The following SEPTIN2 variants were observed in gnomAD, a reference collection of about 807,000 sequenced individuals.
SEPTIN2 encodes septin-2.
SEPTIN2 carries 34 observed loss-of-function variants against 46.5 expected under a neutral mutation model. The ratio of observed to expected loss-of-function variants is 0.73; its 90% CI spans 0.56 to 0.97. The LOEUF (loss-of-function observed/expected upper bound fraction) is 0.97, where lower values mean the gene tolerates loss of function less well. Ranked by LOEUF, SEPTIN2 falls within the 50% of genes least tolerant of loss-of-function variation. The pLI is 0.00. For synonymous variants in SEPTIN2, 175 were observed against 153.4 expected, an observed-to-expected ratio of 1.14 and a Z score of -1.04; for missense variants, 347 against 448.4, an observed-to-expected ratio of 0.77 and a Z score of 2.04.
At chr2:241,319,474 T>G (rs757141782) in intron 1 of SEPTIN2, among the ~76,000 whole-genome samples, 1 of 152,286 alleles carries the variant, frequency 6.6e-6, no homozygotes, top group Non-Finnish European at 1.5e-5. Flanking sequence ...AAAATAATTA[T>G]GGAAGGGCAT....
At position 241,325,992 on chromosome 2, in the gene SEPTIN2, G is replaced by A. The variant is rs779399447; in HGVS notation, c.10-1G>A. 1.9e-6 allele frequency: 3 copies of A among 1,610,426 alleles called. No individual in the cohort carries two copies. The Admixed American group carries it at 5.1e-5, about 27-fold the overall frequency. ...TTTGTTTGTTTTTTAATCTTATTTA[G>A]CAACAGCCAACTCAGTTTATAAATC... On this transcript the variant is annotated splice_acceptor_variant, in intron 2 of 12. Transcript: ENST00000391971. LOFTEE classifies it high-confidence loss of function.
chr2:241,334,295 C>A (rs1226812909), intron 3 of SEPTIN2, among the ~76,000 whole-genome samples: 1 of 152,172 alleles, frequency 6.6e-6, no homozygotes, highest in Non-Finnish European at 1.5e-5. Context: ...AGAAGCAGTT[C>A]TCCATGCAGA....
At chr2:241,340,516 C>A (rs948098129) in intron 7 of SEPTIN2, among the ~76,000 whole-genome samples, 1 of 152,074 alleles carries the variant, frequency 6.6e-6, no homozygotes, top group African/African-American at 2.4e-5. Context: ...GTATTTGAAC[C>A]TTTGAAGAAC....
At chr2:241,346,297 A>G (rs764359188) in intron 10 of SEPTIN2, 48 bp downstream of exon 10, 1 of 1,452,834 alleles carries the variant, frequency 6.9e-7, no homozygotes, top group Non-Finnish European at 9.6e-7. Context: ...CCTGAGCCAC[A>G]ATGTTCCTCC....
chr2:241,335,820 C>A, intron 4 of SEPTIN2, 155 bp from the exon 5 acceptor site: 2 of 896,954 alleles, frequency 2.2e-6, no homozygotes, highest in Non-Finnish European at 3.5e-6. Flanking sequence ...CCCTTTCTGA[C>A]TTCTCTGGGA....
intron 12 of SEPTIN2, among the ~76,000 whole-genome samples, chr2:241,350,498 T>G (rs1032205845): frequency 2.0e-5 from 3 of 152,212 alleles, no homozygotes; most frequent in Non-Finnish European, 2.9e-5. Context: ...ATACCAACAT[T>G]AGAAGGAAAT....
chr2:241,316,536 C>T, intron 1 of SEPTIN2: 1 of 1,520,766 alleles, frequency 6.6e-7, no homozygotes, highest in East Asian at 2.6e-5. Context: ...GGAGAGGCGA[C>T]GAAGGTCTGC....
rs1329594266 is a variant in SEPTIN2 at position 241,337,381 on chromosome 2, G to A, written c.342-1G>A. ...ATTGTTAATGTTTCTGTTTCTCTCA[G>A]TTTTAAGACAATTATCTCCTATATT... is the stretch of plus-strand genomic sequence containing the variant. On this transcript the variant is annotated splice_acceptor_variant, in intron 5 of 12. Transcript: ENST00000391971. LOFTEE classifies it high-confidence loss of function. 1 of 1,611,976 alleles carries A rather than the reference G, an allele frequency of 6.2e-7. No individual in the cohort carries two copies. The highest frequency in any genetic ancestry group is 8.5e-7 in the Non-Finnish European group (1 of 1,179,238).
chr2:241,316,422 G>A, intron 1 of SEPTIN2: 1 of 1,302,874 alleles, frequency 7.7e-7, no homozygotes, highest in Non-Finnish European at 1.0e-6. Context: ...CCTCCCTGAG[G>A]CGTGGAGGAC....
rs1246378935 is a variant in SEPTIN2, at chr2:241,353,163, T to G, written c.*1226T>G. On this transcript the variant is annotated 3_prime_UTR_variant, in exon 13 of 13. Coordinates refer to ENST00000391971, the MANE Select transcript of SEPTIN2 (RefSeq NM_004404.5). ...CTCATTTATTTTTAGCCATTGTCGT[T>G]TCATTCATTTTGTGTAATATAAACC... 1 of 152,248 alleles carries G rather than the reference T, an allele frequency of 6.6e-6. No homozygotes were observed. Among genetic ancestry groups the G allele is most frequent in the Non-Finnish European group, 1.5e-5 (1 of 68,040 alleles). The allele number at this position is 152,248 out of a possible 1,614,324, so 9.4% of individuals were successfully genotyped here.
chr2:241,336,484 T>A (rs1255106912), intron 5 of SEPTIN2: 1 of 189,200 alleles, frequency 5.3e-6, no homozygotes, highest in Non-Finnish European at 1.1e-5. Flanking sequence ...TTTTCACAAA[T>A]AAGGAAATGA....
intron 9 of SEPTIN2, among the ~76,000 whole-genome samples, chr2:241,344,308 T>A (rs985045758): frequency 3.9e-5 from 6 of 152,178 alleles, no homozygotes; most frequent in Admixed American, 2.6e-4. Flanking sequence ...TGCTCACCAG[T>A]CTGAGACTCA....
intron 5 of SEPTIN2, among the ~76,000 whole-genome samples, chr2:241,336,621 G>T (rs1439239006): frequency 6.6e-6 from 1 of 152,140 alleles, no homozygotes; most frequent in Non-Finnish European, 1.5e-5. Context: ...AGATGAAAAG[G>T]GGAAGGTTCT....
chr2:241,329,021 T>TCA (rs376935315), intron 3 of SEPTIN2, among the ~76,000 whole-genome samples: 48 of 151,468 alleles, frequency 3.2e-4, no homozygotes, highest in African/African-American at 1.1e-3. Context: ...ACTCCATCTC[T>TCA]CACACACAAA....
chr2:241,318,506 TTG>T (rs1335900155), intron 1 of SEPTIN2, among the ~76,000 whole-genome samples: 1 of 152,104 alleles, frequency 6.6e-6, no homozygotes, highest in Non-Finnish European at 1.5e-5. Context: ...TAAAAATGAT[TTG>T]ATTTATGTAG....
rs1237862233 is a variant in SEPTIN2, at chr2:241,350,121, A to T, written c.1033A>T (p.Met345Leu). Residue 345 changes from methionine to leucine, a missense_variant, in exon 12 of 13, where the codon ATG becomes TTG. Met to Leu is a conservative substitution (Grantham distance 15). Transcript: ENST00000391971. ...MIARMQAQMQ[M>L]QMQGGDGDGG... ...TGCAAGGATGCAGGCGCAGATGCAG[A>T]TGCAGATGCAGGGCGGGGATGGCGA... 1 of 1,614,176 alleles carries T rather than the reference A, an allele frequency of 6.2e-7. No homozygotes were observed.
rs138826691 is a variant in SEPTIN2, at chr2:241,335,011, A to G, written c.131-115A>G. The stretch of plus-strand genomic sequence containing the variant: ...CATAGTAGTACTGTAGGTACTAAAC[A>G]CAGAATGATGTTTGTGAGGTACTTA... On this transcript the variant is annotated intron_variant, in intron 3 of 12. Transcript: ENST00000391971. 3.3e-4 allele frequency: 223 copies of G among 681,840 alleles called. 2 individuals carry two copies. In the African/African-American group the frequency reaches 3.6e-3, roughly 11 times the overall value. The allele number at this position is 681,840 out of a possible 1,614,324, so 42.2% of individuals were successfully genotyped here. A position where few individuals can be genotyped will look rare whatever the true frequency, so the allele number is the denominator to read the frequency against.
At chr2:241,349,980 A>T (rs1029218002) in intron 11 of SEPTIN2, 93 bp from the exon 12 acceptor site, 196 of 1,240,462 alleles carry the variant, frequency 1.6e-4, no homozygotes, top group Non-Finnish European at 2.3e-5. Flanking sequence ...GGGAAGGTGT[A>T]GAAGTTGAAA....
At chr2:241,335,797 A>G (rs756490845) in intron 4 of SEPTIN2, 178 bp from the exon 5 acceptor site, 32 of 695,104 alleles carry the variant, frequency 4.6e-5, no homozygotes, top group Non-Finnish European at 7.4e-5. Flanking sequence ...CAATAATCTT[A>G]GCTTTAACCT....
Sources: gnomAD v4.1 joint callset for allele counts (sites outside exome capture counted in the v4.1 genomes callset) on GRCh38, gnomAD v4.1.1 for gene constraint, MANE v1.5 for transcripts, NCBI Gene and HGNC (gene_info 2026-07-23, HGNC 2026-07-21) for gene names.